TOPBP1: variants seen among roughly 807,000 people sequenced by gnomAD.
TOPBP1 encodes the protein DNA topoisomerase II binding protein 1, also known as DNA topoisomerase 2-binding protein 1.
In TOPBP1, 28 loss-of-function variants were observed where a neutral mutation model predicts 167.7. That is an observed-to-expected ratio of 0.17 (90% CI 0.12 to 0.23). TOPBP1 has a LOEUF of 0.23. Among genes scored for constraint, TOPBP1 ranks in the 10% least tolerant of loss-of-function variants. The probability of loss-of-function intolerance (pLI) is 1.00; values close to 1 mark genes in which losing one functional copy is unlikely to be tolerated. For synonymous variants in TOPBP1, 598 were observed against 611.4 expected (o/e 0.98, Z 0.32); for missense variants, 1,554 against 1,809.6 (o/e 0.86, Z 2.56).
rs535128811 is a variant in TOPBP1 at position 133,620,754 on chromosome 3, T to C, written c.3179-407A>G. ...ATGCCGGGCTAATTTTTGTATTTTT[T>C]AGTAGAGACGCGGTTTCGCCACGTT... is the stretch of plus-strand genomic sequence containing the variant. On this transcript the variant is annotated intron_variant, in intron 19 of 27. Transcript: ENST00000260810. 3.9e-5 allele frequency among the ~76,000 whole-genome samples: 6 copies of C among 152,160 alleles called. No individual in the cohort carries two copies. In the South Asian group the frequency reaches 1.2e-3, roughly 32 times the overall value.
chr3:133,645,064 G>A (rs1318905705), intron 10 of TOPBP1, among the ~76,000 whole-genome samples: 1 of 152,168 alleles, frequency 6.6e-6, no homozygotes, highest in Non-Finnish European at 1.5e-5. Flanking sequence ...GCAGAAATGA[G>A]ATACAAACCA....
chr3:133,644,095 C>G lies in TOPBP1; in HGVS notation c.1773G>C (p.Ala591=). The change falls in exon 11 of 28, where the codon GCG becomes GCC. Residue 591 remains alanine (A), a synonymous_variant. Transcript: ENST00000260810. ...KIMSLLSRTV[A]DYAVVPLLGC... is the part of the protein sequence containing the mutation. ...CCAGCAGAGGAACCACAGCATAATC[C>G]GCAACAGTTCTGCTCAGAAGGGACA... The G allele has an allele frequency of 6.2e-7, 1 of 1,613,832 alleles. No homozygotes were observed. Among genetic ancestry groups the G allele is most frequent in the Non-Finnish European group, 8.5e-7 (1 of 1,179,842 alleles).
rs559347835 is a variant in TOPBP1 at position 133,600,863 on chromosome 3, T to C, written c.*387A>G. 1 of 167,460 alleles carries C rather than the reference T, an allele frequency of 6.0e-6. No individual in the cohort carries two copies. The highest frequency in any genetic ancestry group is 2.4e-5 in the African/African-American group (1 of 41,668). 10.4% of individuals were successfully genotyped at this position (167,460 alleles called of 1,614,324 possible). A position where few individuals can be genotyped will look rare whatever the true frequency, so the allele number is the denominator to read the frequency against. On this transcript the variant is annotated 3_prime_UTR_variant, in exon 28 of 28. Transcript: ENST00000260810. The stretch of plus-strand genomic sequence containing the variant: ...AATCAGGGAAAACATGAATAAATGC[T>C]GACTGACAAATCTTGTTGTTATGAA...
rs1447201649 is a variant in TOPBP1 at position 133,611,220 on chromosome 3, C to A, written c.4036-79G>T. 2.2e-6 allele frequency: 3 copies of A among 1,342,160 alleles called. No homozygotes were observed. The Admixed American group carries it at 7.9e-5, about 35-fold the overall frequency. 83.1% of individuals were successfully genotyped at this position (1,342,160 alleles called of 1,614,324 possible). ...CAACATACAGGGCTCCTCAAGGAGC[C>A]CAAAGTCTAATAACTGTTAAAGCTA... On this transcript the variant is annotated intron_variant, in intron 24 of 27. Transcript: ENST00000260810.
In TOPBP1 at chr3:133,601,204, A is replaced by C. The variant is rs535449301; in HGVS notation, c.*46T>G. 3.3e-6 allele frequency: 5 copies of C among 1,536,892 alleles called. No individual in the cohort carries two copies. In the East Asian group the frequency reaches 1.2e-4, roughly 36 times the overall value. On this transcript the variant is annotated 3_prime_UTR_variant, in exon 28 of 28. Transcript: ENST00000260810. ...CTATCACAGTCACATTCAGGCTTTC[A>C]ATTTTTAAAAACATTTAATGTTTGG...
chr3:133,601,503 C>T, intron 27 of TOPBP1, 110 bp from the exon 28 acceptor site: 1 of 904,112 alleles, frequency 1.1e-6, no homozygotes, highest in African/African-American at 1.8e-5. Flanking sequence ...ATCTGACAAA[C>T]TTAAAGGAAA....
At chr3:133,643,879 T>C in intron 11 of TOPBP1, 141 bp downstream of exon 11, 1 of 832,558 alleles carries the variant, frequency 1.2e-6, no homozygotes, top group Non-Finnish European at 1.8e-6. Flanking sequence ...ATTTTGAATT[T>C]CCCTTGCTAA....
chr3:133,625,436 G>A (rs1323317635), intron 16 of TOPBP1, among the ~76,000 whole-genome samples: 4 of 152,140 alleles, frequency 2.6e-5, no homozygotes, highest in African/African-American at 9.7e-5. Context: ...ATAGACAAAT[G>A]AATTAAGAAG....
chr3:133,647,837 T>C (rs908585915), intron 10 of TOPBP1, among the ~76,000 whole-genome samples: 2 of 151,932 alleles, frequency 1.3e-5, no homozygotes, highest in African/African-American at 4.8e-5. Context: ...GAATTACACA[T>C]AATAAATCAC....
chr3:133,643,263 A>C lies in TOPBP1; in HGVS notation c.1958T>G (p.Phe653Cys). The C allele has an allele frequency of 6.2e-7, 1 of 1,612,248 alleles. No homozygotes were observed. The highest frequency in any genetic ancestry group is 8.5e-7 in the Non-Finnish European group (1 of 1,179,232). Residue 653 changes from phenylalanine to cysteine, a missense_variant, in exon 12 of 28, where the codon TTT (phenylalanine) becomes TGT (cysteine). Around this residue, in one of 3 missense-constraint regions of TOPBP1, gnomAD observed 1,197 missense variants for 1,351.5 expected, o/e 0.89. Transcript: ENST00000260810. ...TTTTTCTGCTCCAGCACACTGGCTA[A>C]ATGAAATAACACAATCCTCTAAAGG... ...MTPLEDCVIS[F>C]SQCAGAEKES...
rs755791816 is a variant in TOPBP1, at chr3:133,652,633, CAT to C, written c.923-6_923-5del. ...CTGACATCTGAAAGAGTACGACCTA[CAT>C]ATTTTGAAAACGTATAAATTTATGG... On this transcript the variant is annotated splice_polypyrimidine_tract_variant and splice_region_variant and intron_variant, in intron 7 of 27. Coordinates refer to ENST00000260810, the MANE Select transcript of TOPBP1 (RefSeq NM_007027.4). 2.5e-6 allele frequency: 4 copies of C among 1,588,892 alleles called. No homozygotes were observed. Among genetic ancestry groups the C allele is most frequent in the Non-Finnish European group, 3.4e-6 (4 of 1,171,504 alleles).
At chr3:133,651,546 T>C (rs1936305869) in intron 8 of TOPBP1, among the ~76,000 whole-genome samples, 1 of 152,162 alleles carries the variant, frequency 6.6e-6, no homozygotes, top group Admixed American at 6.5e-5. Context: ...CTGTGAAAAT[T>C]AGTGCACAGC....
At chr3:133,608,783 A>G (rs1559805796) in intron 26 of TOPBP1, 87 bp from the exon 27 acceptor site, 1 of 1,566,046 alleles carries the variant, frequency 6.4e-7, no homozygotes, top group Non-Finnish European at 8.7e-7. Flanking sequence ...TTACCATTTC[A>G]AAAAGTAGAG....
Position 133,639,956 on chromosome 3 carries a change from A to C in TOPBP1, c.2233+3T>G, listed in dbSNP as rs1439719991. On this transcript the variant is annotated splice_donor_region_variant and intron_variant, in intron 13 of 27. Coordinates refer to ENST00000260810, the MANE Select transcript of TOPBP1 (RefSeq NM_007027.4). Reference sequence around the variant, plus strand: ...TATAAAAGAACAGAATAAAAGTATTAACCTTCTTTAGTTGAATTTTCAATC... The same window carrying C: ...TATAAAAGAACAGAATAAAAGTATTCACCTTCTTTAGTTGAATTTTCAATC... 6.2e-7 allele frequency: 1 copy of C among 1,612,918 alleles called. No individual in the cohort carries two copies. Among genetic ancestry groups the C allele is most frequent in the East Asian group, 2.2e-5 (1 of 44,858 alleles).
intron 4 of TOPBP1, 128 bp from the exon 5 acceptor site, chr3:133,656,985 G>T: frequency 1.2e-6 from 1 of 835,316 alleles, no homozygotes; most frequent in Non-Finnish European, 1.7e-6. Context: ...ACATTATAAA[G>T]TTAAATAATT....
intron 23 of TOPBP1, among the ~76,000 whole-genome samples, chr3:133,615,477 A>C (rs1468170739): frequency 2.6e-5 from 4 of 152,172 alleles, no homozygotes; most frequent in African/African-American, 7.2e-5. Context: ...ACTCTGTCTC[A>C]AAACAAAAAC....
Position 133,640,109 on chromosome 3 carries a change from G to A in TOPBP1, c.2083C>T (p.Leu695Phe). ...GAGCCACCACGTTCTTTCAGTATAA[G>A]ATGAGTACTGGCAAACATGCCTTTC... ...AKKGMFASTH[L>F]ILKERGGSKY... The change falls in exon 13 of 28, where the codon CTT (leucine) becomes TTT (phenylalanine). Residue 695 changes from leucine (L) to phenylalanine (F), a missense_variant. This residue lies in a region of TOPBP1 where 1,197 missense variants were observed against 1,351.5 expected (regional missense o/e 0.89). Coordinates refer to ENST00000260810, the MANE Select transcript of TOPBP1 (RefSeq NM_007027.4). The A allele has an allele frequency of 6.2e-7, 1 of 1,613,750 alleles. No individual in the cohort carries two copies. Among genetic ancestry groups the A allele is most frequent in the East Asian group, 2.2e-5 (1 of 44,866 alleles).
At chr3:133,651,111 A>G (rs893012157) in intron 8 of TOPBP1, among the ~76,000 whole-genome samples, 2 of 151,408 alleles carry the variant, frequency 1.3e-5, no homozygotes, top group African/African-American at 4.9e-5. Context: ...CAAAAACAAA[A>G]AACCCACCTT....
In TOPBP1 at chr3:133,628,568, A is replaced by C. The variant is rs771758700; in HGVS notation, c.2686T>G (p.Ser896Ala). 1 of 1,611,296 alleles carries C rather than the reference A, an allele frequency of 6.2e-7. No homozygotes were observed. Among genetic ancestry groups the C allele is most frequent in the Non-Finnish European group, 8.5e-7 (1 of 1,178,704 alleles). The change falls in exon 15 of 28, where the codon TCA becomes GCA. Residue 896 changes from serine to alanine, a missense_variant. Ser to Ala is a moderately conservative substitution (Grantham distance 99). Around this residue, in one of 3 missense-constraint regions of TOPBP1, gnomAD observed 1,197 missense variants for 1,351.5 expected, o/e 0.89. Coordinates refer to ENST00000260810, the MANE Select transcript of TOPBP1 (RefSeq NM_007027.4). ...AAGAGAACTAATCCTACCTTCTCTG[A>C]CTGGGCCTCTTTCAGTTGAGGGCTG... ...SASPQLKEAQ[S>A]EKEEAPKPLH...
Sources: allele counts gnomAD v4.1 joint callset (sites outside exome capture counted in the v4.1 genomes callset), GRCh38; gene constraint gnomAD v4.1.1; regional missense constraint gnomAD v4.1.1; transcripts MANE v1.5; gene names NCBI Gene and HGNC (gene_info 2026-07-23, HGNC 2026-07-21).